Variants in MGAT5 observed in about 807,000 individuals in gnomAD.
MGAT5 encodes alpha-1,6-mannosylglycoprotein 6-beta-N-acetylglucosaminyltransferase A.
In MGAT5, 30 loss-of-function variants were observed where a neutral mutation model predicts 94.3. The ratio of observed to expected loss-of-function variants is 0.32; its 90% CI spans 0.24 to 0.43. MGAT5 has a LOEUF of 0.43. MGAT5 is among the 20% of genes least tolerant of loss of function. The probability of loss-of-function intolerance (pLI) is 1.00; values close to 1 mark genes in which losing one functional copy is unlikely to be tolerated. For missense variants in MGAT5, 691 were observed against 905.5 expected (o/e 0.76, Z 3.04); for synonymous variants, 310 against 322.9 (o/e 0.96, Z 0.43).
chr2:134,424,843 A>G (rs1684489757), intron 13 of MGAT5, among the ~76,000 whole-genome samples: 1 of 152,138 alleles, frequency 6.6e-6, no homozygotes, highest in Admixed American at 6.5e-5. Context: ...CAAAGGTTTG[A>G]TCTCTGCCTC....
At chr2:134,216,019 G>A (rs1680478006) in intron 1 of MGAT5, among the ~76,000 whole-genome samples, 1 of 152,074 alleles carries the variant, frequency 6.6e-6, no homozygotes, top group Non-Finnish European at 1.5e-5. Context: ...TTTAGACGGT[G>A]ACCTTAGAAA....
intron 1 of MGAT5, among the ~76,000 whole-genome samples, chr2:134,236,547 C>G (rs72846756): frequency 0.033 from 5,020 of 152,210 alleles, 178 homozygotes; most frequent in East Asian, 0.12. Flanking sequence ...ACCTTCCCCC[C>G]CCTTTTGCTT....
chr2:134,202,865 A>G lies in MGAT5; in HGVS notation c.-142-51397A>G, dbSNP rs1369286091. Among the ~76,000 whole-genome samples, 3 of 152,186 alleles carry G rather than the reference A, an allele frequency of 2.0e-5. No individual in the cohort carries two copies. In the East Asian group the frequency reaches 5.8e-4, roughly 29 times the overall value. On this transcript the variant is annotated intron_variant, in intron 1 of 16. Coordinates refer to the MGAT5 transcript ENST00000409645. Reference sequence around the variant, plus strand: ...CCCCAAAAAATCAATGCAATTTCCTAACTGTAATGTAAAAGGAAAAAAAAA... The same window carrying G: ...CCCCAAAAAATCAATGCAATTTCCTGACTGTAATGTAAAAGGAAAAAAAAA...
At chr2:134,401,686 T>C (rs1203696913) in intron 10 of MGAT5, among the ~76,000 whole-genome samples, 1 of 152,224 alleles carries the variant, frequency 6.6e-6, no homozygotes, top group African/African-American at 2.4e-5. Context: ...CTTGCGGCCA[T>C]ACCAGACATG....
chr2:134,225,926 C>A (rs945993573), intron 1 of MGAT5, among the ~76,000 whole-genome samples: 2 of 152,228 alleles, frequency 1.3e-5, no homozygotes, highest in African/African-American at 4.8e-5. Flanking sequence ...CTTTACGAGA[C>A]TTTTGACCTC....
rs1376548540 is a variant in MGAT5, at chr2:134,454,345, T to C, written c.*5498T>C. 1 of 152,226 alleles carries C rather than the reference T, an allele frequency of 6.6e-6. No homozygotes were observed. The highest frequency in any genetic ancestry group is 1.5e-5 in the Non-Finnish European group (1 of 68,044). 9.4% of individuals were successfully genotyped at this position (152,226 alleles called of 1,614,324 possible). The stretch of plus-strand genomic sequence containing the variant: ...TACCCAAGTATTAATAGCATAATAG[T>C]TGATGCCAAAGGAGATGGTGACGTC... On this transcript the variant is annotated 3_prime_UTR_variant, in exon 16 of 16. Transcript: ENST00000281923.
intron 1 of MGAT5, among the ~76,000 whole-genome samples, chr2:134,120,711 C>T (rs937678985): frequency 4.6e-5 from 7 of 151,762 alleles, no homozygotes; most frequent in African/African-American, 1.5e-4. Flanking sequence ...GGGGTCACGC[C>T]GCAGGCGTGG....
chr2:134,247,063 G>C (rs1394894495), intron 1 of MGAT5, among the ~76,000 whole-genome samples: 2 of 152,314 alleles, frequency 1.3e-5, no homozygotes, highest in Admixed American at 1.3e-4. Context: ...GTTCACGGTA[G>C]AAGCAGTCCA....
chr2:134,120,377 C>T (rs1685508328), intron 1 of MGAT5: 2 of 370,866 alleles, frequency 5.4e-6, no homozygotes, highest in Non-Finnish European at 9.6e-6. Flanking sequence ...CCGCGGGGGG[C>T]ACGGGGAACC....
intron 10 of MGAT5, among the ~76,000 whole-genome samples, chr2:134,367,025 G>A (rs1030537005): frequency 6.6e-6 from 1 of 152,178 alleles, no homozygotes; most frequent in Admixed American, 6.5e-5. Context: ...TGAGCAGTGG[G>A]CTCTGAGAGG....
At chr2:134,232,395 C>T (rs938854165) in intron 1 of MGAT5, among the ~76,000 whole-genome samples, 1 of 152,130 alleles carries the variant, frequency 6.6e-6, no homozygotes, top group African/African-American at 2.4e-5. Flanking sequence ...ATCTAGGAAC[C>T]AGAACCCTTT....
chr2:134,334,522 A>G (rs10928489), intron 4 of MGAT5, among the ~76,000 whole-genome samples: 100,282 of 104,870 alleles, frequency 0.96, 47,910 homozygotes, highest in East Asian at 0.98. Context: ...TTTTTTTTGC[A>G]GGGTTGGGGG....
rs148606675 is a variant in MGAT5 at position 134,334,311 on chromosome 2, A to T, written c.574-1906A>T. On this transcript the variant is annotated intron_variant, in intron 4 of 15. Transcript: ENST00000281923. ...AGATTCTTCTTGCAGTGGCAGAGTGAGGAGAGAACTTTATGAGTATCTGGT... is the reference window on the plus strand; with the variant it reads ...AGATTCTTCTTGCAGTGGCAGAGTGTGGAGAGAACTTTATGAGTATCTGGT... Among the ~76,000 whole-genome samples, 828 of 151,940 alleles carry T rather than the reference A, an allele frequency of 5.4e-3. 4 individuals carry two copies. The highest frequency in any genetic ancestry group is 7.1e-3 in the Non-Finnish European group (486 of 67,986).
At chr2:134,325,097 A>T (rs62168050) in intron 4 of MGAT5, among the ~76,000 whole-genome samples, 19,353 of 151,884 alleles carry the variant, frequency 0.13, 1,444 homozygotes, top group South Asian at 0.27. Flanking sequence ...CCCCTCACCC[A>T]CTAAAGTTCT....
intron 4 of MGAT5, among the ~76,000 whole-genome samples, chr2:134,329,683 A>T (rs1481701978): frequency 2.0e-5 from 3 of 151,978 alleles, no homozygotes; most frequent in African/African-American, 7.3e-5. Flanking sequence ...CTTTCTCAAG[A>T]GGTTATTTGA....
intron 1 of MGAT5, among the ~76,000 whole-genome samples, chr2:134,255,512 T>C (rs956090595): frequency 6.6e-6 from 1 of 150,706 alleles, no homozygotes; most frequent in Non-Finnish European, 1.5e-5. Flanking sequence ...TATACACATA[T>C]ATATATACAC....
At chr2:134,271,176 A>G (rs1684003629) in intron 2 of MGAT5, among the ~76,000 whole-genome samples, 1 of 152,174 alleles carries the variant, frequency 6.6e-6, no homozygotes, top group East Asian at 1.9e-4. Flanking sequence ...AACAACACCC[A>G]GATTATACGC....
intron 1 of MGAT5, among the ~76,000 whole-genome samples, chr2:134,170,437 G>A (rs1014051461): frequency 6.6e-6 from 1 of 152,192 alleles, no homozygotes; most frequent in African/African-American, 2.4e-5. Flanking sequence ...ACTGTGGGTT[G>A]AGCCTGTTCT....
At position 134,267,156 on chromosome 2, in the gene MGAT5, G is replaced by A. The variant is rs182742257; in HGVS notation, c.242-3230G>A. Among the ~76,000 whole-genome samples, 207 of 152,286 alleles carry A rather than the reference G, an allele frequency of 1.4e-3. 1 individual carries two copies. The highest frequency in any genetic ancestry group is 4.7e-3 in the African/African-American group (194 of 41,572). ...GGTTATTCCCTAACAAGTAGATTCA[G>A]GGGGAGCAAGTCAGAGATGCTTGCT... On this transcript the variant is annotated intron_variant, in intron 1 of 15. Transcript: ENST00000281923.
Sources: allele counts gnomAD v4.1 joint callset (sites outside exome capture counted in the v4.1 genomes callset), GRCh38; gene constraint gnomAD v4.1.1; transcripts MANE v1.5; gene names NCBI Gene and HGNC (gene_info 2026-07-23, HGNC 2026-07-21).